Variants in PTOV1 observed in about 807,000 individuals in gnomAD.
PTOV1 encodes the protein PTOV1 extended AT-hook containing adaptor protein, also known as prostate tumor-overexpressed gene 1 protein.
In PTOV1, 20 loss-of-function variants were observed where a neutral mutation model predicts 58.0. The ratio of observed to expected loss-of-function variants is 0.34; its 90% CI spans 0.24 to 0.50. The LOEUF (loss-of-function observed/expected upper bound fraction) is 0.50. PTOV1 is among the 20% of genes least tolerant of loss of function. The pLI is 0.98. For synonymous variants in PTOV1, 335 were observed against 234.2 expected, an observed-to-expected ratio of 1.43 and a Z score of -3.93; for missense variants, 593 against 565.4, an observed-to-expected ratio of 1.05 and a Z score of -0.50.
chr19:49,853,212 G>GT (rs1261327428), intron 1 of PTOV1: 2 of 152,352 alleles, frequency 1.3e-5, no homozygotes, highest in East Asian at 3.9e-4. Flanking sequence ...GAAAATACCT[G>GT]TTTGTAATAA....
intron 10 of PTOV1, chr19:49,858,869 C>T (rs532420950): frequency 1.7e-5 from 9 of 529,082 alleles, no homozygotes; most frequent in African/African-American, 1.5e-4. Flanking sequence ...CCTGCTCCTC[C>T]TCTGCCACAT....
chr19:49,853,652 C>T lies in PTOV1; in HGVS notation c.172-754C>T, dbSNP rs1196797685. ...AGTAATAAAAATAGTGGGGAGAGTGCCTGTGAGTAGCATTTGTGGCGTTGC... is the reference window on the plus strand; with the variant it reads ...AGTAATAAAAATAGTGGGGAGAGTGTCTGTGAGTAGCATTTGTGGCGTTGC... On this transcript the variant is annotated intron_variant, in intron 1 of 11. Coordinates refer to ENST00000391842, the Ensembl canonical transcript of PTOV1. Among the ~76,000 whole-genome samples, 5 of 152,022 alleles carry T rather than the reference C, an allele frequency of 3.3e-5. No individual in the cohort carries two copies. The East Asian group carries it at 9.6e-4, about 29-fold the overall frequency.
intron 1 of PTOV1, 123 bp from the exon 2 acceptor site, chr19:49,854,283 C>T (rs762360379): frequency 1.2e-4 from 156 of 1,329,488 alleles, no homozygotes; most frequent in Non-Finnish European, 1.4e-4. Flanking sequence ...GACATGGCCC[C>T]GTGGGCTTCC....
chr19:49,851,103 T>C (rs2074222769), upstream of PTOV1: 1 of 1,394,832 alleles, frequency 7.2e-7, no homozygotes, highest in Non-Finnish European at 9.3e-7. Context: ...CTTGGTACGC[T>C]CCGGCCACGC....
chr19:49,855,544 G>A (rs1568642595), intron 5 of PTOV1: 1 of 194,440 alleles, frequency 5.1e-6, no homozygotes. Context: ...GGGTGCTGAA[G>A]CAGGCGCGGT....
exon 12 of PTOV1, chr19:49,860,297 G>T: frequency 6.7e-7 from 1 of 1,489,992 alleles, no homozygotes; most frequent in Non-Finnish European, 9.1e-7. Flanking sequence ...CCCGGGCTGG[G>T]CCCCTCCAGG....
chr19:49,854,806 C>G, intron 3 of PTOV1, 25 bp from the exon 4 acceptor site: 1 of 1,613,376 alleles, frequency 6.2e-7, no homozygotes, highest in Non-Finnish European at 8.5e-7. Flanking sequence ...CAGGGCAGCC[C>G]TTTCTGACCA....
At chr19:49,854,833 A>G in exon 4 of PTOV1, 1 of 1,613,256 alleles carries the variant, frequency 6.2e-7, no homozygotes, top group Non-Finnish European at 8.5e-7. Flanking sequence ...TCCCATAGGG[A>G]GACCGACCAG....
chr19:49,860,698 T>A, exon 12 of PTOV1: 1 of 350,368 alleles, frequency 2.9e-6, no homozygotes, highest in Non-Finnish European at 5.2e-6. Flanking sequence ...CCAAGGACGG[T>A]CCCCACCCCT....
At chr19:49,851,093 C>T (rs1318607534), upstream of PTOV1, 4 of 1,427,976 alleles carry the variant, frequency 2.8e-6, no homozygotes, top group Admixed American at 8.0e-5. Flanking sequence ...CCCGCGCCGC[C>T]TTGGTACGCT....
intron 9 of PTOV1, 183 bp from the exon 10 acceptor site, chr19:49,858,366 T>C (rs2074576199): frequency 1.0e-5 from 7 of 681,772 alleles, no homozygotes; most frequent in Non-Finnish European, 1.7e-5. Flanking sequence ...TGCCAAGGGA[T>C]CTGAGAGCGG....
At chr19:49,851,118 T>A, upstream of PTOV1, 1 of 1,342,280 alleles carries the variant, frequency 7.5e-7, no homozygotes, top group Non-Finnish European at 9.5e-7. Context: ...CCACGCCCCC[T>A]CGGACGCGCT....
intron 6 of PTOV1, chr19:49,857,352 C>G: frequency 1.5e-6 from 1 of 659,098 alleles, no homozygotes; most frequent in Non-Finnish European, 2.6e-6. Context: ...GGCGCGGCGG[C>G]AGGGAAGCCA....
At chr19:49,855,195 C>T (rs956291964) in intron 5 of PTOV1, 118 bp downstream of exon 5, 22 of 952,922 alleles carry the variant, frequency 2.3e-5, no homozygotes, top group Middle Eastern at 2.7e-4. Context: ...GGGTAGCCCT[C>T]GTGGCCTCTC....
intron 5 of PTOV1, chr19:49,856,598 A>C: frequency 4.2e-6 from 1 of 236,740 alleles, no homozygotes; most frequent in Non-Finnish European, 8.4e-6. Flanking sequence ...GGCTGGTGTT[A>C]GGTCACACAG....
In PTOV1 at chr19:49,854,893, G is replaced by GGGGCC; in HGVS notation, c.450+5_450+6insGGGCC. The GGGGCC allele has an allele frequency of 3.7e-6, 6 of 1,603,416 alleles. No homozygotes were observed. The highest frequency in any genetic ancestry group is 1.7e-4 in the Middle Eastern group (1 of 5,962). ...CTGATCCCTCAGCAGCTGCTGGTGA[G>GGGGCC]ACCCGCCCCTCCCACCCCATCCACT... On this transcript the variant is annotated splice_donor_region_variant and intron_variant, in intron 4 of 11. Transcript: ENST00000391842.
At chr19:49,860,499 G>C in exon 12 of PTOV1, 1 of 691,800 alleles carries the variant, frequency 1.4e-6, no homozygotes, top group Non-Finnish European at 2.4e-6. Context: ...CCCAGCCTCA[G>C]GGCCATGGGA....
chr19:49,854,286 G>A, intron 1 of PTOV1, 120 bp from the exon 2 acceptor site: 1 of 1,346,348 alleles, frequency 7.4e-7, no homozygotes, highest in East Asian at 2.3e-5. Context: ...ATGGCCCCGT[G>A]GGCTTCCAGC....
chr19:49,859,514 G>T (rs181674745), intron 10 of PTOV1, among the ~76,000 whole-genome samples: 1 of 151,952 alleles, frequency 6.6e-6, no homozygotes. Flanking sequence ...AGAGGTTGCA[G>T]TGAGCTGAGA....
Sources: allele counts gnomAD v4.1 joint callset (sites outside exome capture counted in the v4.1 genomes callset), GRCh38; gene constraint gnomAD v4.1.1; transcripts MANE v1.5; gene names NCBI Gene and HGNC (gene_info 2026-07-23, HGNC 2026-07-21).